Variants in LIPJ observed in about 807,000 individuals in gnomAD.
LIPJ encodes lipase family member J.
In LIPJ, 33 loss-of-function variants were observed where a neutral mutation model predicts 39.8. The observed-to-expected ratio is 0.83, with a 90% CI of 0.63 to 1.11. LIPJ has a LOEUF of 1.11. Ranked by LOEUF, LIPJ falls within the 50% of genes least tolerant of loss-of-function variation. The probability of loss-of-function intolerance (pLI) is 0.00; values close to 1 mark genes in which losing one functional copy is unlikely to be tolerated. For missense variants in LIPJ, 422 were observed against 427.9 expected, an observed-to-expected ratio of 0.99 and a Z score of 0.12; for synonymous variants, 128 against 139.2, an observed-to-expected ratio of 0.92 and a Z score of 0.57.
chr10:88,620,059 A>G, the LIPJ span, among the ~76,000 whole-genome samples: 1 of 152,196 alleles, frequency 6.6e-6, no homozygotes, highest in Non-Finnish European at 1.5e-5. Context: ...TAAAAATGAG[A>G]CATTCTTTAA....
chr10:88,600,050 T>C lies in LIPJ; in HGVS notation c.724-2526T>C, dbSNP rs1851421044. Among the ~76,000 whole-genome samples the C allele has an allele frequency of 2.0e-5, 3 of 152,186 alleles. No homozygotes were observed. The South Asian group carries it at 6.2e-4, about 32-fold the overall frequency. ...ATCTTCTCTTATTTTGTTACTGCTC[T>C]AAGAAATATTTTTTATTATTCTCTT... On this transcript the variant is annotated intron_variant, in intron 8 of 10. Transcript: ENST00000371939.
the LIPJ span, among the ~76,000 whole-genome samples, chr10:88,613,800 A>ATATATGTG: frequency 6.6e-4 from 49 of 74,164 alleles, no homozygotes; most frequent in African/African-American, 1.8e-3. Flanking sequence ...ATATATATAT[A>ATATATGTG]TGTGTGTGTG....
chr10:88,591,205 C>A (rs1379070894), intron 3 of LIPJ, among the ~76,000 whole-genome samples, 173 bp from the exon 4 acceptor site: 2 of 151,496 alleles, frequency 1.3e-5, no homozygotes, highest in Non-Finnish European at 3.0e-5. Flanking sequence ...AGGTATTTTA[C>A]AAATATTTAT....
rs1851053655 is a variant in LIPJ at position 88,590,833 on chromosome 10, G to A, written c.9+137G>A. 8.2e-6 allele frequency: 5 copies of A among 608,630 alleles called. No individual in the cohort carries two copies. In the Middle Eastern group the frequency reaches 1.8e-3, roughly 220 times the overall value. The allele number at this position is 608,630 out of a possible 1,614,324, so 37.7% of individuals were successfully genotyped here. ...AATATTTCTCATCTGCTATTCTATA[G>A]CTTAGTTTCTCCTTCAGCCTTATTC... On this transcript the variant is annotated intron_variant, in intron 3 of 10. Transcript: ENST00000371939.
chr10:88,583,002 C>T (rs926431337), upstream of LIPJ: 99 of 1,529,750 alleles, frequency 6.5e-5, no homozygotes, highest in Non-Finnish European at 8.4e-5. Flanking sequence ...TTCTTGGGTG[C>T]AGGCCCACAC....
At chr10:88,613,828 A>ATATATG in the LIPJ span, among the ~76,000 whole-genome samples, 1,375 of 117,706 alleles carry the variant, frequency 0.012, 33 homozygotes, top group African/African-American at 0.029. Context: ...ATATATATAT[A>ATATATG]TGTGTGTATA....
At chr10:88,592,135 T>C (rs1218753509) in intron 4 of LIPJ, 1 of 151,946 alleles carries the variant, frequency 6.6e-6, no homozygotes, top group Non-Finnish European at 1.5e-5. Context: ...GGAAACAGGA[T>C]GTGAAACAAA....
At chr10:88,594,916 C>T (rs1465175179) in intron 6 of LIPJ, 140 bp downstream of exon 6, 1 of 380,680 alleles carries the variant, frequency 2.6e-6, no homozygotes, top group African/African-American at 2.1e-5. Flanking sequence ...GCAGAATGCC[C>T]TGGAATCTTA....
chr10:88,598,959 T>TTAAATTTAATAATTTA (rs1851356635), intron 8 of LIPJ, among the ~76,000 whole-genome samples: 5 of 39,506 alleles, frequency 1.3e-4, no homozygotes, highest in African/African-American at 6.9e-4. Flanking sequence ...TATTTAATAA[T>TTAAATTTAATAATTTA]ATAATATATT....
chr10:88,591,407 T>A (rs773329975), exon 4 of LIPJ: 11 of 1,604,170 alleles, frequency 6.9e-6, no homozygotes, highest in African/African-American at 1.3e-5. Flanking sequence ...GGGGCTACCC[T>A]GATGAAGAAT....
the LIPJ span, among the ~76,000 whole-genome samples, chr10:88,612,694 A>G: frequency 6.6e-6 from 1 of 152,214 alleles, no homozygotes; most frequent in Non-Finnish European, 1.5e-5. Context: ...TCACAATTCT[A>G]AATATATACG....
intron 8 of LIPJ, among the ~76,000 whole-genome samples, chr10:88,602,050 GGA>G (rs1204779732): frequency 6.6e-6 from 1 of 152,030 alleles, no homozygotes; most frequent in Non-Finnish European, 1.5e-5. Context: ...AGGCCCTTAT[GGA>G]GAGTGTTTCT....
exon 1 of LIPJ, chr10:88,586,840 C>G (rs1850931332): frequency 6.6e-6 from 1 of 151,938 alleles, no homozygotes; most frequent in Non-Finnish European, 1.5e-5. Flanking sequence ...GAAGATAGAC[C>G]GGATGGTAAT....
chr10:88,583,296 C>T, upstream of LIPJ: 2 of 1,509,594 alleles, frequency 1.3e-6, no homozygotes, highest in Non-Finnish European at 1.8e-6. Flanking sequence ...TGGTTCCGTG[C>T]TCCCTGGGCC....
the LIPJ span, among the ~76,000 whole-genome samples, chr10:88,619,619 G>A: frequency 6.6e-6 from 1 of 151,530 alleles, no homozygotes; most frequent in Non-Finnish European, 1.5e-5. Flanking sequence ...ATTTTTATTG[G>A]GTTTTTTTTT....
In LIPJ at chr10:88,594,790, G is replaced by A. The variant is rs570252421; in HGVS notation, c.439+14G>A. Reference sequence around the variant, plus strand: ...GTACTACTATTGGTATGCCAAGAAAGATTATTGCTAATATCCCTTAATTTC... The same window carrying A: ...GTACTACTATTGGTATGCCAAGAAAAATTATTGCTAATATCCCTTAATTTC... On this transcript the variant is annotated intron_variant, in intron 6 of 10. Coordinates refer to ENST00000371939, the Ensembl canonical transcript of LIPJ. 4 of 1,198,546 alleles carry A rather than the reference G, an allele frequency of 3.3e-6. No homozygotes were observed. In the East Asian group the frequency reaches 1.0e-4, roughly 31 times the overall value. The allele number at this position is 1,198,546 out of a possible 1,614,324, so 74.2% of individuals were successfully genotyped here.
upstream of LIPJ, chr10:88,583,073 C>A: frequency 1.2e-6 from 2 of 1,611,316 alleles, no homozygotes; most frequent in Non-Finnish European, 1.7e-6. Context: ...GACAACCCAC[C>A]TGAGTCCTCA....
At chr10:88,608,719 T>TA (rs1356717774), downstream of LIPJ, among the ~76,000 whole-genome samples, 5 of 152,200 alleles carry the variant, frequency 3.3e-5, no homozygotes, top group Non-Finnish European at 7.3e-5. Context: ...AACACATACT[T>TA]ATGGACATCT....
At chr10:88,622,278 C>A in the LIPJ span, among the ~76,000 whole-genome samples, 1 of 152,196 alleles carries the variant, frequency 6.6e-6, no homozygotes, top group Non-Finnish European at 1.5e-5. Flanking sequence ...TCTTCCCCTT[C>A]TTTATCCTTC....
Sources: allele counts gnomAD v4.1 joint callset (sites outside exome capture counted in the v4.1 genomes callset), GRCh38; gene constraint gnomAD v4.1.1; transcripts MANE v1.5; gene names NCBI Gene and HGNC (gene_info 2026-07-23, HGNC 2026-07-21).